SGCZ: variants seen among roughly 807,000 people sequenced by gnomAD.
The protein encoded by SGCZ is zeta-sarcoglycan.
A neutral mutation model predicts 41.3 loss-of-function variants in SGCZ; 40 were observed. The ratio of observed to expected loss-of-function variants is 0.97; its 90% CI spans 0.75 to 1.26. The LOEUF (loss-of-function observed/expected upper bound fraction) is 1.26. Ranked by LOEUF, SGCZ falls within the 50% of genes most tolerant of loss-of-function variation. The probability of loss-of-function intolerance (pLI) is 0.00; values close to 1 mark genes in which losing one functional copy is unlikely to be tolerated. For synonymous variants in SGCZ, 206 were observed against 137.5 expected, an observed-to-expected ratio of 1.50 and a Z score of -3.49; for missense variants, 552 against 369.8, an observed-to-expected ratio of 1.49 and a Z score of -4.04.
intron 2 of SGCZ, 85 bp from the exon 3 acceptor site, chr8:14,324,289 A>T: frequency 1.1e-6 from 1 of 894,072 alleles, no homozygotes; most frequent in Non-Finnish European, 1.8e-6. Context: ...AAATTGAGAA[A>T]ACAGTGAGCT....
intron 1 of SGCZ, among the ~76,000 whole-genome samples, chr8:14,580,365 TA>T (rs1379756110): frequency 6.6e-6 from 1 of 152,164 alleles, no homozygotes; most frequent in Non-Finnish European, 1.5e-5. Flanking sequence ...TTTTGAAGTT[TA>T]AAAAATAGTA....
chr8:15,082,413 C>A (rs1805787719), intron 1 of SGCZ, among the ~76,000 whole-genome samples: 1 of 142,282 alleles, frequency 7.0e-6, no homozygotes, highest in Non-Finnish European at 1.6e-5. Context: ...TATACACACA[C>A]ACATATATAT....
At chr8:14,292,066 A>G (rs13272581) in intron 3 of SGCZ, among the ~76,000 whole-genome samples, 114,773 of 151,976 alleles carry the variant, frequency 0.76, 43,790 homozygotes, top group Non-Finnish European at 0.81. Context: ...TTAAGCTTCA[A>G]GGCTCAAGAC....
intron 2 of SGCZ, among the ~76,000 whole-genome samples, chr8:14,468,451 T>G (rs2116971438): frequency 6.6e-6 from 1 of 152,216 alleles, no homozygotes; most frequent in African/African-American, 2.4e-5. Flanking sequence ...TCAAAATTTT[T>G]ATTCAATGCC....
chr8:14,677,577 C>G (rs1808316317), intron 1 of SGCZ, among the ~76,000 whole-genome samples: 1 of 152,056 alleles, frequency 6.6e-6, no homozygotes, highest in East Asian at 1.9e-4. Context: ...TAGAGGCCAG[C>G]CTGGCAAATA....
intron 1 of SGCZ, among the ~76,000 whole-genome samples, chr8:14,675,006 C>T (rs59271374): frequency 0.55 from 77,201 of 139,370 alleles, 23,102 homozygotes; most frequent in East Asian, 0.78. Context: ...TGGCGTGAAC[C>T]CAGCTCACTG....
intron 7 of SGCZ, among the ~76,000 whole-genome samples, chr8:14,095,597 C>T (rs1375829411): frequency 6.6e-6 from 1 of 151,982 alleles, no homozygotes; most frequent in Non-Finnish European, 1.5e-5. Flanking sequence ...CTCTTTTTTG[C>T]TTCCATATGA....
chr8:14,609,489 C>T (rs900589379), intron 1 of SGCZ, among the ~76,000 whole-genome samples: 1 of 152,072 alleles, frequency 6.6e-6, no homozygotes, highest in Non-Finnish European at 1.5e-5. Flanking sequence ...GACCTTCTGG[C>T]ATGATGAAAA....
At chr8:15,061,603 G>C (rs746584377) in intron 1 of SGCZ, among the ~76,000 whole-genome samples, 1 of 151,530 alleles carries the variant, frequency 6.6e-6, no homozygotes, top group Middle Eastern at 3.2e-3. Context: ...ATTCTGTCCT[G>C]CTCTTCTGTT....
At chr8:15,059,164 A>G (rs1389920086) in intron 1 of SGCZ, among the ~76,000 whole-genome samples, 1 of 152,182 alleles carries the variant, frequency 6.6e-6, no homozygotes, top group Non-Finnish European at 1.5e-5. Context: ...AATATCTACA[A>G]TTATACTCTT....
At chr8:14,388,046 T>C (rs1452827443) in intron 2 of SGCZ, among the ~76,000 whole-genome samples, 1 of 152,120 alleles carries the variant, frequency 6.6e-6, no homozygotes, top group African/African-American at 2.4e-5. Context: ...TGCAGTATGG[T>C]CTTTAGTAGG....
intron 1 of SGCZ, among the ~76,000 whole-genome samples, chr8:14,931,545 T>G (rs2130806382): frequency 6.6e-6 from 1 of 152,136 alleles, no homozygotes; most frequent in South Asian, 2.1e-4. Flanking sequence ...AACCTTGAAT[T>G]TTTTAGCAAC....
chr8:15,137,983 G>A (rs1440899913), intron 1 of SGCZ, among the ~76,000 whole-genome samples: 4 of 152,126 alleles, frequency 2.6e-5, no homozygotes, highest in African/African-American at 9.7e-5. Flanking sequence ...CTCAAAGCCA[G>A]CCCATGAAAG....
chr8:14,748,823 A>G (rs1224930067), intron 1 of SGCZ, among the ~76,000 whole-genome samples: 1 of 152,150 alleles, frequency 6.6e-6, no homozygotes, highest in East Asian at 1.9e-4. Context: ...TGGTGTTACA[A>G]TCCTGACATG....
intron 1 of SGCZ, among the ~76,000 whole-genome samples, chr8:14,982,561 C>T (rs535671773): frequency 6.6e-6 from 1 of 152,296 alleles, no homozygotes; most frequent in South Asian, 2.1e-4. Flanking sequence ...TCACTGTCTT[C>T]TACCTCCTCT....
At chr8:14,800,983 A>C (rs865965215) in intron 1 of SGCZ, among the ~76,000 whole-genome samples, 1 of 152,218 alleles carries the variant, frequency 6.6e-6, no homozygotes, top group Non-Finnish European at 1.5e-5. Context: ...TATCAAGAAC[A>C]AAGGAAACTA....
intron 1 of SGCZ, among the ~76,000 whole-genome samples, chr8:14,568,670 T>C (rs113376436): frequency 0.01 from 1,534 of 152,296 alleles, 27 homozygotes; most frequent in African/African-American, 0.032. Context: ...CTTTTGTTGA[T>C]TGCCTGCTTC....
At chr8:14,128,414 G>C (rs1585160159) in intron 5 of SGCZ, among the ~76,000 whole-genome samples, 1 of 152,148 alleles carries the variant, frequency 6.6e-6, no homozygotes, top group South Asian at 2.1e-4. Flanking sequence ...ACATTGGTGA[G>C]GATGCAGATA....
chr8:14,474,020 A>C (rs188173513), intron 2 of SGCZ, among the ~76,000 whole-genome samples: 92 of 152,256 alleles, frequency 6.0e-4, no homozygotes, highest in African/African-American at 1.9e-3. Flanking sequence ...CAAATTTTGC[A>C]TAAGTCATTC....
Sources: allele counts gnomAD v4.1 joint callset (sites outside exome capture counted in the v4.1 genomes callset), GRCh38; gene constraint gnomAD v4.1.1; transcripts MANE v1.5; gene names NCBI Gene and HGNC (gene_info 2026-07-23, HGNC 2026-07-21).